HRH2: variants seen among roughly 807,000 people sequenced by gnomAD.
HRH2 encodes histamine H2 receptor.
In HRH2, 4 loss-of-function variants were observed where a neutral mutation model predicts 20.1. The observed-to-expected ratio is 0.20, with a 90% CI of 0.10 to 0.45. HRH2 has a LOEUF of 0.45. Among genes scored for constraint, HRH2 ranks in the 20% least tolerant of loss-of-function variants. HRH2 has a pLI of 0.99. For missense variants in HRH2, 250 were observed against 461.6 expected, an observed-to-expected ratio of 0.54 and a Z score of 4.20; for synonymous variants, 197 against 200.7, an observed-to-expected ratio of 0.98 and a Z score of 0.16.
rs1046856309 is a variant in HRH2, at chr5:175,659,752, G to A, written c.-526+1597G>A. ...ACAGGGCCTGGCACCTGGCACGTGCGCGATCAGCACTGGCTTCTTGTTCCA... is the reference window on the plus strand; with the variant it reads ...ACAGGGCCTGGCACCTGGCACGTGCACGATCAGCACTGGCTTCTTGTTCCA... On this transcript the variant is annotated intron_variant, in intron 1 of 2. Coordinates refer to ENST00000636584, the MANE Select transcript of HRH2 (RefSeq NM_001367711.1). 3.3e-5 allele frequency among the ~76,000 whole-genome samples: 5 copies of A among 152,154 alleles called. No individual in the cohort carries two copies. In the East Asian group the frequency reaches 5.8e-4, roughly 18 times the overall value.
chr5:175,696,834 T>C (rs558464448), intron 2 of HRH2, among the ~76,000 whole-genome samples: 10 of 151,930 alleles, frequency 6.6e-5, no homozygotes, highest in African/African-American at 2.4e-4. Flanking sequence ...CACCGCCCCA[T>C]GGGGTTGGGG....
At chr5:175,697,659 G>A (rs58608739) in intron 2 of HRH2, among the ~76,000 whole-genome samples, 20,013 of 151,996 alleles carry the variant, frequency 0.13, 3,132 homozygotes, top group African/African-American at 0.38. Context: ...ACTTAGTCCA[G>A]TCGTTGTTCA....
intron 2 of HRH2, among the ~76,000 whole-genome samples, chr5:175,702,064 G>T (rs1422702118): frequency 6.6e-6 from 1 of 152,186 alleles, no homozygotes; most frequent in Non-Finnish European, 1.5e-5. Context: ...ATCCCAGCTT[G>T]GTGTCTCATC....
intron 2 of HRH2, among the ~76,000 whole-genome samples, chr5:175,696,670 C>T (rs1204069807): frequency 6.6e-6 from 1 of 152,140 alleles, no homozygotes; most frequent in Non-Finnish European, 1.5e-5. Context: ...GGGGGAGGGG[C>T]TCCGCAGGAA....
intron 2 of HRH2, among the ~76,000 whole-genome samples, chr5:175,701,027 G>T (rs1756774316): frequency 1.3e-5 from 2 of 152,230 alleles, no homozygotes; most frequent in Admixed American, 1.3e-4. Flanking sequence ...ACAGATGGTG[G>T]TTCTGTCTGA....
chr5:175,689,478 T>C lies in HRH2; in HGVS notation c.1076+5169T>C, dbSNP rs375735013. ...AGAACAGGCCCAGGAATATTGCTGA[T>C]TGAATAAATGAATGAGTGGATGTCT... On this transcript the variant is annotated intron_variant, in intron 2 of 2. Coordinates refer to ENST00000636584, the MANE Select transcript of HRH2 (RefSeq NM_001367711.1). Among the ~76,000 whole-genome samples, 32 of 152,222 alleles carry C rather than the reference T, an allele frequency of 2.1e-4. No individual in the cohort carries two copies. In the South Asian group the frequency reaches 5.0e-3, roughly 24 times the overall value.
At chr5:175,690,235 G>A (rs1756321493) in intron 2 of HRH2, among the ~76,000 whole-genome samples, 1 of 152,180 alleles carries the variant, frequency 6.6e-6, no homozygotes. Context: ...TGGCTGCCTT[G>A]TGAAGCTGCT....
At position 175,686,146 on chromosome 5, in the gene HRH2, T is replaced by TA. The variant is rs1163958186; in HGVS notation, c.1076+1838dup. On this transcript the variant is annotated intron_variant, in intron 2 of 2. Coordinates refer to ENST00000636584, the MANE Select transcript of HRH2 (RefSeq NM_001367711.1). This position sits in a 1 kb window ranked among gnomAD's most constrained non-coding sequence, Gnocchi z 4.7. ...TGATGGGTAAAACGCCCACCTACCA[T>TA]ATCCTTGCGCAATCTCTTATTCAGG... The TA allele has an allele frequency of 3.9e-5, 6 of 152,264 alleles. No homozygotes were observed. Among genetic ancestry groups the TA allele is most frequent in the Non-Finnish European group, 8.8e-5 (6 of 68,050 alleles). 9.4% of individuals were successfully genotyped at this position (152,264 alleles called of 1,614,324 possible). A position where few individuals can be genotyped will look rare whatever the true frequency, so the allele number is the denominator to read the frequency against.
Position 175,687,686 on chromosome 5 carries a change from C to T in HRH2, c.1076+3377C>T, listed in dbSNP as rs1291991359. On this transcript the variant is annotated intron_variant, in intron 2 of 2. Coordinates refer to ENST00000636584, the MANE Select transcript of HRH2 (RefSeq NM_001367711.1). This position sits in a 1 kb window ranked among gnomAD's most constrained non-coding sequence, Gnocchi z 5.2. ...CCCCTTCCTGACCCCTACTGTCCAC[C>T]CCTCATCACCTCTCCCCTGCCTCCT... Among the ~76,000 whole-genome samples, 3 of 152,224 alleles carry T rather than the reference C, an allele frequency of 2.0e-5. No homozygotes were observed. The highest frequency in any genetic ancestry group is 3.9e-4 in the East Asian group (2 of 5,158).
chr5:175,708,048 C>T lies in HRH2; in HGVS notation c.*77C>T, dbSNP rs1265855736. On this transcript the variant is annotated 3_prime_UTR_variant, in exon 3 of 3. Coordinates refer to ENST00000636584, the MANE Select transcript of HRH2 (RefSeq NM_001367711.1). The stretch of plus-strand genomic sequence containing the variant: ...CCTGGAGCTCCTAAGGACCCAGTCT[C>T]CAAAGCCACCAAGGACTCACCCTGG... 2 of 398,692 alleles carry T rather than the reference C, an allele frequency of 5.0e-6. No individual in the cohort carries two copies. The highest frequency in any genetic ancestry group is 8.8e-6 in the Non-Finnish European group (2 of 226,216). 24.7% of individuals were successfully genotyped at this position (398,692 alleles called of 1,614,324 possible).
chr5:175,660,042 A>G (rs909745738), intron 1 of HRH2, among the ~76,000 whole-genome samples: 10 of 151,546 alleles, frequency 6.6e-5, no homozygotes, highest in African/African-American at 2.4e-4. Flanking sequence ...GGCACATTCC[A>G]CTCTCCATCC....
rs1334032942 is a variant in HRH2, at chr5:175,687,316, C to T, written c.1076+3007C>T. 2.0e-5 allele frequency among the ~76,000 whole-genome samples: 3 copies of T among 152,176 alleles called. No individual in the cohort carries two copies. Among genetic ancestry groups the T allele is most frequent in the Non-Finnish European group, 2.9e-5 (2 of 68,036 alleles). ...TTTCCCTGCTGGCTGATAGCATGTC[C>T]TCCAGCTCTCCGTCTGGGGACAAAC... is the stretch of plus-strand genomic sequence containing the variant. On this transcript the variant is annotated intron_variant, in intron 2 of 2. Transcript: ENST00000636584. The surrounding 1 kb of genome is among the most constrained non-coding windows in gnomAD (Gnocchi z 5.2).
intron 1 of HRH2, among the ~76,000 whole-genome samples, chr5:175,663,102 A>G (rs1762785498): frequency 6.6e-6 from 1 of 152,218 alleles, no homozygotes; most frequent in South Asian, 2.1e-4. Context: ...CTTTGGGGCT[A>G]TAATGAATAA....
At chr5:175,703,059 T>A (rs1266066879) in intron 2 of HRH2, among the ~76,000 whole-genome samples, 3 of 152,184 alleles carry the variant, frequency 2.0e-5, no homozygotes, top group Admixed American at 2.0e-4. Flanking sequence ...TCTATCAAAA[T>A]TTAAAGACTA....
intron 2 of HRH2, among the ~76,000 whole-genome samples, chr5:175,698,818 AGTCCCAC>A (rs774481982): frequency 3.3e-5 from 5 of 152,218 alleles, no homozygotes; most frequent in Non-Finnish European, 4.4e-5. Flanking sequence ...ATCTCAAGTA[AGTCCCAC>A]GGGGTTCATT....
At chr5:175,697,919 C>T (rs1756658444) in intron 2 of HRH2, among the ~76,000 whole-genome samples, 1 of 152,202 alleles carries the variant, frequency 6.6e-6, no homozygotes, top group Non-Finnish European at 1.5e-5. Flanking sequence ...CCCCTCATGG[C>T]AACAGGCCCA....
Position 175,683,091 on chromosome 5 carries a change from CAAAAA to C in HRH2, c.-126_-122del, listed in dbSNP as rs35616765. On this transcript the variant is annotated 5_prime_UTR_variant, in exon 2 of 3. Transcript: ENST00000636584. The stretch of plus-strand genomic sequence containing the variant: ...ATTGAAGCCTTCCCCACCCCCTGGC[CAAAAA>C]AAAAAAAAAAAAAAAACTGGACACA... 698 of 582,058 alleles carry C rather than the reference CAAAAA, an allele frequency of 1.2e-3. No individual in the cohort carries two copies. Among genetic ancestry groups the C allele is most frequent in the South Asian group, 1.6e-3 (63 of 40,176 alleles). 36.1% of individuals were successfully genotyped at this position (582,058 alleles called of 1,614,324 possible).
chr5:175,675,996 G>A (rs747509950), intron 1 of HRH2, among the ~76,000 whole-genome samples: 11 of 148,858 alleles, frequency 7.4e-5, no homozygotes, highest in Non-Finnish European at 1.6e-4. Context: ...GTGTAGATGC[G>A]TGGGTACGCA....
chr5:175,687,550 CTA>C lies in HRH2; in HGVS notation c.1076+3243_1076+3244del, dbSNP rs560462699. ...ACCCCACAATGTTCCTGCCCAGCCT[CTA>C]TGAGTGCTCTTTGCAGCACACTCAG... On this transcript the variant is annotated intron_variant, in intron 2 of 2. Transcript: ENST00000636584. This position sits in a 1 kb window ranked among gnomAD's most constrained non-coding sequence, Gnocchi z 5.2. 1.1e-3 allele frequency among the ~76,000 whole-genome samples: 160 copies of C among 152,274 alleles called. No homozygotes were observed. The highest frequency in any genetic ancestry group is 3.8e-3 in the African/African-American group (158 of 41,562).
Sources: allele counts gnomAD v4.1 joint callset (sites outside exome capture counted in the v4.1 genomes callset), GRCh38; gene constraint gnomAD v4.1.1; non-coding constraint Gnocchi (gnomAD v3.1); transcripts MANE v1.5; gene names NCBI Gene and HGNC (gene_info 2026-07-23, HGNC 2026-07-21).